Variants in CRISPLD2 observed in about 807,000 individuals in gnomAD.
CRISPLD2 encodes the protein cysteine-rich secretory protein LCCL domain-containing 2.
A neutral mutation model predicts 71.1 loss-of-function variants in CRISPLD2; 47 were observed. The ratio of observed to expected loss-of-function variants is 0.66; its 90% CI spans 0.52 to 0.84. CRISPLD2 has a LOEUF of 0.84. Among genes scored for constraint, CRISPLD2 ranks in the 40% least tolerant of loss-of-function variants. CRISPLD2 has a pLI of 0.00. For missense variants in CRISPLD2, 830 were observed against 651.1 expected (o/e 1.27, Z -2.99); for synonymous variants, 317 against 250.1 (o/e 1.27, Z -2.52).
In CRISPLD2 at chr16:84,888,661, GCTGT is replaced by G. The variant is rs1442570630; in HGVS notation, c.1306-560_1306-557del. On this transcript the variant is annotated intron_variant, in intron 13 of 14. Coordinates refer to ENST00000262424, the MANE Select transcript of CRISPLD2 (RefSeq NM_031476.4). ...GACTCACTGTATTCCAGCCACCCTG[GCTGT>G]CTGTCTGTTTCTTGGATATGATGAG... Among the ~76,000 whole-genome samples the G allele has an allele frequency of 4.6e-5, 7 of 152,322 alleles. No homozygotes were observed. In the East Asian group the frequency reaches 7.7e-4, roughly 17 times the overall value.
chr16:84,831,817 C>G lies in CRISPLD2; in HGVS notation c.-74-6605C>G, dbSNP rs113325175. On this transcript the variant is annotated intron_variant, in intron 1 of 14. Transcript: ENST00000262424. ...AGGCACGATCTCGGCTCACTGCAAC[C>G]TCCACCTCCCAGATTCAAGTGATTT... Among the ~76,000 whole-genome samples the G allele has an allele frequency of 1.3e-4, 20 of 152,358 alleles. 1 individual carries two copies. Among genetic ancestry groups the G allele is most frequent in the African/African-American group, 4.8e-4 (20 of 41,578 alleles).
intron 14 of CRISPLD2, among the ~76,000 whole-genome samples, chr16:84,893,214 C>T (rs2968146): frequency 0.6 from 91,253 of 151,684 alleles, 28,234 homozygotes; most frequent in East Asian, 0.87. Context: ...CTTGGCAGCT[C>T]CTCTCTCTAA....
chr16:84,843,338 G>T (rs1437111590), intron 2 of CRISPLD2, among the ~76,000 whole-genome samples: 1 of 152,236 alleles, frequency 6.6e-6, no homozygotes, highest in Non-Finnish European at 1.5e-5. Flanking sequence ...AAGCGGCTTG[G>T]AAACGTGGCT....
intron 11 of CRISPLD2, among the ~76,000 whole-genome samples, chr16:84,877,229 C>T (rs1394030214): frequency 1.3e-5 from 2 of 152,198 alleles, no homozygotes; most frequent in African/African-American, 4.8e-5. Flanking sequence ...GCCCTCAACC[C>T]GCCAACACAT....
intron 6 of CRISPLD2, among the ~76,000 whole-genome samples, chr16:84,863,847 A>G (rs1917458370): frequency 6.6e-6 from 1 of 151,740 alleles, no homozygotes; most frequent in South Asian, 2.1e-4. Flanking sequence ...GCATGCCTGT[A>G]ATCCCAGGCT....
intron 6 of CRISPLD2, among the ~76,000 whole-genome samples, chr16:84,858,479 C>T (rs1433201160): frequency 6.6e-6 from 1 of 152,306 alleles, no homozygotes; most frequent in East Asian, 1.9e-4. Context: ...CACTAGACCC[C>T]TGTAAATTTT....
chr16:84,878,906 C>G (rs2071544270), intron 12 of CRISPLD2, among the ~76,000 whole-genome samples: 1 of 152,236 alleles, frequency 6.6e-6, no homozygotes, highest in African/African-American at 2.4e-5. Flanking sequence ...ATGACAGTCC[C>G]AGGACCCTGG....
intron 10 of CRISPLD2, chr16:84,873,342 G>A: frequency 2.7e-6 from 1 of 369,568 alleles, no homozygotes; most frequent in South Asian, 3.1e-5. Context: ...GCCAGGCGTG[G>A]TGGCAGGCAC....
At chr16:84,825,741 C>G (rs927110359) in intron 1 of CRISPLD2, among the ~76,000 whole-genome samples, 2 of 151,052 alleles carry the variant, frequency 1.3e-5, no homozygotes, top group Non-Finnish European at 3.0e-5. Context: ...GGTGACAGAG[C>G]GAGACTCCAT....
rs529483310 is a variant in CRISPLD2 at position 84,837,527 on chromosome 16, C to T, written c.-74-895C>T. Among the ~76,000 whole-genome samples, 5 of 152,190 alleles carry T rather than the reference C, an allele frequency of 3.3e-5. No homozygotes were observed. The East Asian group carries it at 9.7e-4, about 29-fold the overall frequency. Reference sequence around the variant, plus strand: ...CGCCTCCCGGGTTCACGCCATTCTCCCGCCTCAGCCTCCCAAGTAGCTGGG... The same window carrying T: ...CGCCTCCCGGGTTCACGCCATTCTCTCGCCTCAGCCTCCCAAGTAGCTGGG... On this transcript the variant is annotated intron_variant, in intron 1 of 14. Coordinates refer to ENST00000262424, the MANE Select transcript of CRISPLD2 (RefSeq NM_031476.4).
rs2071485316 is a variant in CRISPLD2, at chr16:84,873,045, A to G, written c.1035A>G (p.Gly345=). 1.2e-6 allele frequency: 2 copies of G among 1,613,920 alleles called. No individual in the cohort carries two copies. The highest frequency in any genetic ancestry group is 3.3e-5 in the Admixed American group (2 of 60,010). The part of the protein sequence containing the change: ...AIHYGILDDK[G]GLVDITRNGK... ...ACTACGGGATCCTGGATGACAAGGG[A>G]GGCCTGGTGGATATCACCAGGAACG... Residue 345 remains glycine (G), a synonymous_variant, in exon 10 of 15, where the codon GGA becomes GGG. Coordinates refer to ENST00000262424, the MANE Select transcript of CRISPLD2 (RefSeq NM_031476.4).
At chr16:84,837,213 C>A (rs988015032) in intron 1 of CRISPLD2, among the ~76,000 whole-genome samples, 16 of 152,198 alleles carry the variant, frequency 1.1e-4, no homozygotes, top group Non-Finnish European at 1.5e-4. Context: ...ATACATTTTT[C>A]AGATGGCAAG....
chr16:84,902,220 C>T (rs1214731533), intron 14 of CRISPLD2, among the ~76,000 whole-genome samples: 3 of 152,124 alleles, frequency 2.0e-5, no homozygotes, highest in East Asian at 1.9e-4. Flanking sequence ...ATTCATGTAT[C>T]AGGCAATATC....
At chr16:84,872,798 G>C (rs529520154) in intron 9 of CRISPLD2, among the ~76,000 whole-genome samples, 194 bp from the exon 10 acceptor site, 1 of 152,198 alleles carries the variant, frequency 6.6e-6, no homozygotes, top group African/African-American at 2.4e-5. Flanking sequence ...AAGCAACTCA[G>C]ATGAGTTTTT....
In CRISPLD2 at chr16:84,866,882, C is replaced by G. The variant is rs1226237395; in HGVS notation, c.710-15C>G. On this transcript the variant is annotated splice_polypyrimidine_tract_variant and intron_variant, in intron 6 of 14. Transcript: ENST00000262424. ...CCCAGTGTGTTATTTTTTTTCCTCC[C>G]TCTCCAATGTTAAGAAGAAACCTAC... The G allele has an allele frequency of 6.2e-7, 1 of 1,601,616 alleles. No homozygotes were observed. Among genetic ancestry groups the G allele is most frequent in the South Asian group, 1.1e-5 (1 of 90,074 alleles).
At chr16:84,858,136 G>A (rs1917290637) in intron 6 of CRISPLD2, among the ~76,000 whole-genome samples, 1 of 152,170 alleles carries the variant, frequency 6.6e-6, no homozygotes, top group Non-Finnish European at 1.5e-5. Flanking sequence ...ACCTATGGGA[G>A]CCTGCCAGAG....
In CRISPLD2 at chr16:84,843,136, G is replaced by T. The variant is rs145419094; in HGVS notation, c.241-2650G>T. ...GTTTCAGGATTGGAGCTGGGATCTG[G>T]GTCCTTTGGTCTAAAAGGCCGGCCT... On this transcript the variant is annotated intron_variant, in intron 2 of 14. Coordinates refer to ENST00000262424, the MANE Select transcript of CRISPLD2 (RefSeq NM_031476.4). Among the ~76,000 whole-genome samples, 979 of 152,254 alleles carry T rather than the reference G, an allele frequency of 6.4e-3. 7 individuals carry two copies. Among genetic ancestry groups the T allele is most frequent in the African/African-American group, 0.023 (942 of 41,542 alleles).
intron 6 of CRISPLD2, among the ~76,000 whole-genome samples, chr16:84,859,978 C>G (rs1298573267): frequency 6.6e-6 from 1 of 152,200 alleles, no homozygotes; most frequent in African/African-American, 2.4e-5. Flanking sequence ...CTTTACAAAT[C>G]TATTTCACAA....
chr16:84,854,689 C>A, intron 5 of CRISPLD2, 40 bp from the exon 6 acceptor site: 2 of 1,495,592 alleles, frequency 1.3e-6, no homozygotes, highest in Non-Finnish European at 9.3e-7. Flanking sequence ...GGCCTCACGT[C>A]GTGGTTCCCT....
Sources: allele counts gnomAD v4.1 joint callset (sites outside exome capture counted in the v4.1 genomes callset), GRCh38; gene constraint gnomAD v4.1.1; transcripts MANE v1.5; gene names NCBI Gene and HGNC (gene_info 2026-07-23, HGNC 2026-07-21).